WWOX: variants seen among roughly 807,000 people sequenced by gnomAD.
WWOX encodes the protein WW domain-containing oxidoreductase.
In WWOX, 69 loss-of-function variants were observed where a neutral mutation model predicts 46.2. The observed-to-expected ratio is 1.49, with a 90% CI of 1.23 to 1.82. WWOX has a LOEUF of 1.82. Among genes scored for constraint, WWOX ranks in the 40% most tolerant of loss-of-function variants. The pLI is 0.00. For missense variants in WWOX, 919 were observed against 542.6 expected, an observed-to-expected ratio of 1.69 and a Z score of -6.89; for synonymous variants, 359 against 202.6, an observed-to-expected ratio of 1.77 and a Z score of -6.56.
chr16:78,577,701 C>A (rs1355500866), intron 8 of WWOX, among the ~76,000 whole-genome samples: 1 of 152,210 alleles, frequency 6.6e-6, no homozygotes, highest in Non-Finnish European at 1.5e-5. Flanking sequence ...CAATTCATAG[C>A]TCTGGGAGAC....
chr16:78,670,467 C>G (rs1041310887), intron 8 of WWOX, among the ~76,000 whole-genome samples: 1 of 152,054 alleles, frequency 6.6e-6, no homozygotes, highest in Non-Finnish European at 1.5e-5. Flanking sequence ...GAGAAACTTA[C>G]CAGTGGTGTG....
intron 4 of WWOX, among the ~76,000 whole-genome samples, chr16:78,162,369 C>T (rs1386156305): frequency 6.6e-6 from 1 of 151,992 alleles, no homozygotes; most frequent in Non-Finnish European, 1.5e-5. Context: ...TCTGATGTGC[C>T]TTGCTTTGAC....
chr16:78,502,952 C>G (rs1459847822), intron 8 of WWOX, among the ~76,000 whole-genome samples: 6 of 152,262 alleles, frequency 3.9e-5, no homozygotes, highest in South Asian at 2.1e-4. Context: ...GAGATGCTGT[C>G]TAAGAAAGGA....
intron 5 of WWOX, among the ~76,000 whole-genome samples, chr16:78,291,343 T>G (rs2079854053): frequency 6.6e-6 from 1 of 152,250 alleles, no homozygotes; most frequent in Non-Finnish European, 1.5e-5. Context: ...GCCTTTCAGA[T>G]AAACAGCATA....
Position 79,207,454 on chromosome 16 carries a change from T to C in WWOX, c.1057-4154T>C, listed in dbSNP as rs945961764. Among the ~76,000 whole-genome samples, 3 of 152,372 alleles carry C rather than the reference T, an allele frequency of 2.0e-5. 1 individual carries two copies. Among genetic ancestry groups the C allele is most frequent in the Admixed American group, 2.0e-4 (3 of 15,312 alleles). The stretch of plus-strand genomic sequence containing the variant: ...TTCCCTGCTCTTGGTGTTCCAAGCC[T>C]AATCTAACTTCCAGGGTTCATTCCT... On this transcript the variant is annotated intron_variant, in intron 8 of 8. Transcript: ENST00000566780.
intron 8 of WWOX, among the ~76,000 whole-genome samples, chr16:78,616,353 C>A (rs151311568): frequency 1.3e-5 from 2 of 152,064 alleles, no homozygotes; most frequent in African/African-American, 2.4e-5. Flanking sequence ...CTGAGAAGTC[C>A]AAGAGGAAGG....
intron 5 of WWOX, among the ~76,000 whole-genome samples, chr16:78,214,091 C>T (rs1470094324): frequency 6.6e-6 from 1 of 152,158 alleles, no homozygotes; most frequent in Non-Finnish European, 1.5e-5. Context: ...GCTGCCCATG[C>T]CCTGCTGCCT....
intron 7 of WWOX, among the ~76,000 whole-genome samples, chr16:78,429,928 GCCCACCATTA>G (rs2083177833): frequency 6.6e-6 from 1 of 152,146 alleles, no homozygotes; most frequent in African/African-American, 2.4e-5. Context: ...TCATAAAAAA[GCCCACCATTA>G]CCAGGTGTGT....
chr16:78,131,887 AT>A (rs759721826), intron 4 of WWOX, among the ~76,000 whole-genome samples: 235 of 144,652 alleles, frequency 1.6e-3, no homozygotes, highest in African/African-American at 2.1e-3. Context: ...CCTGGCAAGG[AT>A]TTTTTTTTTT....
chr16:78,849,469 G>C (rs1179224443), intron 8 of WWOX, among the ~76,000 whole-genome samples: 1 of 151,372 alleles, frequency 6.6e-6, no homozygotes, highest in Middle Eastern at 3.2e-3. Context: ...AGCTACTGGG[G>C]AGGCTGAGGC....
intron 8 of WWOX, among the ~76,000 whole-genome samples, chr16:79,019,843 C>G (rs1219854436): frequency 1.3e-5 from 2 of 152,146 alleles, no homozygotes; most frequent in Non-Finnish European, 2.9e-5. Context: ...TTCAACCTAG[C>G]TGGTGATTTC....
chr16:78,422,663 G>GCATATATATATATATATATATATA (rs2082960147), intron 6 of WWOX, among the ~76,000 whole-genome samples: 1 of 24,382 alleles, frequency 4.1e-5, no homozygotes, highest in African/African-American at 9.8e-5. Flanking sequence ...TTTTTTACAT[G>GCATATATATATATATATATATATA]TATATATATA....
intron 5 of WWOX, among the ~76,000 whole-genome samples, chr16:78,353,966 C>T (rs2081233104): frequency 6.6e-6 from 1 of 152,228 alleles, no homozygotes; most frequent in African/African-American, 2.4e-5. Context: ...ACCTCCATCG[C>T]TTTCGTGCTT....
At chr16:78,746,681 A>G (rs1481763424) in intron 8 of WWOX, among the ~76,000 whole-genome samples, 2 of 151,512 alleles carry the variant, frequency 1.3e-5, no homozygotes, top group Non-Finnish European at 2.9e-5. Flanking sequence ...GTACTCCTGC[A>G]TTTTTCCCAT....
rs191513493 is a variant in WWOX at position 79,181,887 on chromosome 16, G to T, written c.1057-29721G>T. Among the ~76,000 whole-genome samples, 213 of 152,290 alleles carry T rather than the reference G, an allele frequency of 1.4e-3. 2 individuals carry two copies. The highest frequency in any genetic ancestry group is 6.8e-3 in the Middle Eastern group (2 of 294). The stretch of plus-strand genomic sequence containing the variant: ...CAGCATAAACCCTAGGAATAATTCT[G>T]TTCCCCACTGGGATAGAGCATTGTT... On this transcript the variant is annotated intron_variant, in intron 8 of 8. Coordinates refer to ENST00000566780, the MANE Select transcript of WWOX (RefSeq NM_016373.4).
At chr16:78,785,878 C>T (rs931990226) in intron 8 of WWOX, among the ~76,000 whole-genome samples, 1 of 141,680 alleles carries the variant, frequency 7.1e-6, no homozygotes, top group African/African-American at 2.6e-5. Context: ...GAGCGACACA[C>T]TTTTGAATTT....
At chr16:79,181,243 C>G (rs563917399) in intron 8 of WWOX, among the ~76,000 whole-genome samples, 7 of 152,252 alleles carry the variant, frequency 4.6e-5, no homozygotes, top group African/African-American at 1.4e-4. Context: ...TTGGTCAAGA[C>G]ATACGGAACA....
At chr16:78,514,576 C>G (rs1353916672) in intron 8 of WWOX, among the ~76,000 whole-genome samples, 2 of 152,164 alleles carry the variant, frequency 1.3e-5, no homozygotes. Context: ...TAACAGCTTC[C>G]TTGACCGATA....
chr16:78,928,523 T>C (rs535791657), intron 8 of WWOX, among the ~76,000 whole-genome samples: 3 of 152,314 alleles, frequency 2.0e-5, no homozygotes, highest in African/African-American at 7.2e-5. Flanking sequence ...GTTGTGAATA[T>C]TTTTTCCCCT....
Sources: gnomAD v4.1 joint callset for allele counts (sites outside exome capture counted in the v4.1 genomes callset) on GRCh38, gnomAD v4.1.1 for gene constraint, MANE v1.5 for transcripts, NCBI Gene and HGNC (gene_info 2026-07-23, HGNC 2026-07-21) for gene names.